Variants in TRA2A observed in about 807,000 individuals in gnomAD.
TRA2A encodes transformer 2 alpha homolog, also known as transformer-2 protein homolog alpha.
TRA2A carries 31 observed loss-of-function variants against 45.7 expected under a neutral mutation model. The observed-to-expected ratio is 0.68, with a 90% CI of 0.51 to 0.92. TRA2A has a LOEUF of 0.92. Among genes scored for constraint, TRA2A ranks in the 40% least tolerant of loss-of-function variants. The pLI, the probability that TRA2A is intolerant of heterozygous loss-of-function variation, is 0.00. For synonymous variants in TRA2A, 132 were observed against 126.2 expected (o/e 1.05, Z -0.31); for missense variants, 304 against 367.5 (o/e 0.83, Z 1.41).
chr7:23,516,284 T>C, intron 3 of TRA2A, 79 bp downstream of exon 3: 3 of 1,459,178 alleles, frequency 2.1e-6, no homozygotes, highest in Non-Finnish European at 1.9e-6. Context: ...ATGGCCAAGC[T>C]CCCCTAAAAG....
In TRA2A at chr7:23,531,576, G is replaced by A. The variant is rs144591325; in HGVS notation, c.36+213C>T. ...AGAGGACCCAGAAGTCCAGGTATCA[G>A]TCAGCCTCCAAAAAAGGGGGAGGGG... On this transcript the variant is annotated intron_variant, in intron 1 of 7. Coordinates refer to ENST00000297071, the MANE Select transcript of TRA2A (RefSeq NM_013293.5). 7.5e-3 allele frequency: 4,528 copies of A among 605,776 alleles called. 36 individuals are homozygous for A. The highest frequency in any genetic ancestry group is 9.7e-3 in the Non-Finnish European group (3,346 of 344,174). The allele number at this position is 605,776 out of a possible 1,614,324, so 37.5% of individuals were successfully genotyped here. A position where few individuals can be genotyped will look rare whatever the true frequency, so the allele number is the denominator to read the frequency against.
rs1046682434 is a variant in TRA2A at position 23,521,751 on chromosome 7, A to C, written c.126T>G (p.Val42=). The part of the protein sequence containing the change: ...SRSGSRSPSR[V]SKHSESHSRS... Reference sequence around the variant, plus strand: ...GAGAATGGGATTCAGAGTGTTTGGAAACCCTTGATGGACTACGAGATCCTG... The same window carrying C: ...GAGAATGGGATTCAGAGTGTTTGGACACCCTTGATGGACTACGAGATCCTG... The change falls in exon 2 of 8, where the codon GTT becomes GTG. Residue 42 remains valine, a synonymous_variant. Coordinates refer to ENST00000297071, the MANE Select transcript of TRA2A (RefSeq NM_013293.5). The C allele has an allele frequency of 8.1e-6, 13 of 1,614,066 alleles. No homozygotes were observed. Among genetic ancestry groups the C allele is most frequent in the Non-Finnish European group, 1.1e-5 (13 of 1,180,032 alleles).
At chr7:23,515,590 G>C (rs1369538385) in intron 3 of TRA2A, among the ~76,000 whole-genome samples, 1 of 148,432 alleles carries the variant, frequency 6.7e-6, no homozygotes, top group African/African-American at 2.5e-5. Flanking sequence ...TCCCAGGCCA[G>C]TCTGGAATGC....
At chr7:23,508,987 ATT>A (rs1022657198) in intron 4 of TRA2A, among the ~76,000 whole-genome samples, 1 of 150,912 alleles carries the variant, frequency 6.6e-6, no homozygotes. Context: ...TTCTGGGACA[ATT>A]TTTTTTTCCT....
chr7:23,525,215 T>C (rs1400804690), intron 1 of TRA2A, among the ~76,000 whole-genome samples: 1 of 152,252 alleles, frequency 6.6e-6, no homozygotes, highest in Non-Finnish European at 1.5e-5. Context: ...GCTAATCCTT[T>C]TCTCTCTGAC....
At chr7:23,531,644 A>G in intron 1 of TRA2A, 145 bp downstream of exon 1, 1 of 824,016 alleles carries the variant, frequency 1.2e-6, no homozygotes, top group Non-Finnish European at 1.9e-6. Context: ...CCCAGAAGCC[A>G]TCTTGGGATG....
intron 1 of TRA2A, among the ~76,000 whole-genome samples, chr7:23,529,981 G>A (rs1031948470): frequency 1.3e-5 from 2 of 150,748 alleles, no homozygotes; most frequent in African/African-American, 4.9e-5. Flanking sequence ...TAGACTTGAT[G>A]ATAAATTAAA....
chr7:23,510,331 T>C (rs1274153902), intron 4 of TRA2A, among the ~76,000 whole-genome samples: 2 of 152,174 alleles, frequency 1.3e-5, no homozygotes, highest in African/African-American at 2.4e-5. Context: ...AGCTTTTTTT[T>C]CTTTTCTTTT....
At chr7:23,516,633 C>A in intron 2 of TRA2A, 105 bp from the exon 3 acceptor site, 1 of 985,748 alleles carries the variant, frequency 1.0e-6, no homozygotes, top group Non-Finnish European at 1.5e-6. Flanking sequence ...TCAGGTCCTT[C>A]CTCCTTGCTT....
intron 5 of TRA2A, 77 bp downstream of exon 5, chr7:23,507,343 A>C (rs977949383): frequency 1.9e-5 from 22 of 1,160,626 alleles, no homozygotes; most frequent in Non-Finnish European, 2.7e-5. Context: ...TATAGGAAAA[A>C]AGTTTCTGAG....
At position 23,505,585 on chromosome 7, in the gene TRA2A, C is replaced by CAAAAAAAAAAAAAAA. The variant is rs5882904; in HGVS notation, c.839-31_839-17dup. 440 of 244,726 alleles carry CAAAAAAAAAAAAAAA rather than the reference C, an allele frequency of 1.8e-3. 7 individuals are homozygous for CAAAAAAAAAAAAAAA. The highest frequency in any genetic ancestry group is 3.9e-3 in the South Asian group (38 of 9,802). The allele number at this position is 244,726 out of a possible 1,614,324, so 15.2% of individuals were successfully genotyped here. ...CAATAGCGTCCTAAAAGAGAAAAAG[C>CAAAAAAAAAAAAAAA]AAAAAAAAAAAAAAAAAAAAAAAGT... On this transcript the variant is annotated splice_polypyrimidine_tract_variant and intron_variant, in intron 7 of 7. Transcript: ENST00000297071.
intron 1 of TRA2A, among the ~76,000 whole-genome samples, chr7:23,529,295 G>A (rs1413185122): frequency 1.3e-5 from 2 of 152,094 alleles, no homozygotes; most frequent in Admixed American, 6.5e-5. Context: ...ACTTATTTTT[G>A]AGACAAGAGT....
chr7:23,526,850 GTA>G (rs1790360710), intron 1 of TRA2A, among the ~76,000 whole-genome samples: 1 of 152,066 alleles, frequency 6.6e-6, no homozygotes, highest in Non-Finnish European at 1.5e-5. Flanking sequence ...TTCTAATTCT[GTA>G]TGTTTCCTTA....
At chr7:23,507,137 CTTTTT>C (rs1562785335) in intron 5 of TRA2A, 1 of 326,248 alleles carries the variant, frequency 3.1e-6, no homozygotes, top group Non-Finnish European at 5.5e-6. Context: ...TGTTTTTTTT[CTTTTT>C]TGAGAAAGAG....
At chr7:23,512,516 T>C (rs1336132895) in intron 4 of TRA2A, among the ~76,000 whole-genome samples, 1 of 151,978 alleles carries the variant, frequency 6.6e-6, no homozygotes, top group East Asian at 1.9e-4. Context: ...TGGAGTACAG[T>C]GGCGCAATCT....
At position 23,507,410 on chromosome 7, in the gene TRA2A, G is replaced by T; in HGVS notation, c.641+10C>A. 6.2e-7 allele frequency: 1 copy of T among 1,601,714 alleles called. No homozygotes were observed. On this transcript the variant is annotated intron_variant, in intron 5 of 7. Coordinates refer to ENST00000297071, the MANE Select transcript of TRA2A (RefSeq NM_013293.5). ...TTTCATAGTTTAGCTTAGGAAACTT[G>T]AACTCTTACTGAGTTGGTCTGCCCA...
At chr7:23,528,614 C>CA (rs1790438837) in intron 1 of TRA2A, among the ~76,000 whole-genome samples, 1 of 151,736 alleles carries the variant, frequency 6.6e-6, no homozygotes, top group Middle Eastern at 3.2e-3. Flanking sequence ...CTATTTTTAA[C>CA]AAAAAATCTA....
intron 3 of TRA2A, among the ~76,000 whole-genome samples, 162 bp downstream of exon 3, chr7:23,516,201 A>G (rs1789862698): frequency 6.6e-6 from 1 of 152,214 alleles, no homozygotes; most frequent in South Asian, 2.1e-4. Flanking sequence ...CTTACGAAAG[A>G]TGGTGGCATT....
At chr7:23,524,009 G>C (rs1790240848) in intron 1 of TRA2A, among the ~76,000 whole-genome samples, 1 of 152,164 alleles carries the variant, frequency 6.6e-6, no homozygotes, top group African/African-American at 2.4e-5. Flanking sequence ...ACATACACAG[G>C]AGGCTTTGCT....
Sources: gnomAD v4.1 joint callset for allele counts (sites outside exome capture counted in the v4.1 genomes callset) on GRCh38, gnomAD v4.1.1 for gene constraint, MANE v1.5 for transcripts, NCBI Gene and HGNC (gene_info 2026-07-23, HGNC 2026-07-21) for gene names.